RBFOX1: variants seen among roughly 807,000 people sequenced by gnomAD.
RBFOX1 encodes the protein RNA binding fox-1 homolog 1, also known as RNA binding protein fox-1 homolog 1.
Under a neutral mutation model 57.7 loss-of-function variants are expected in RBFOX1, and 8 were observed. That is an observed-to-expected ratio of 0.14 (90% CI 0.08 to 0.25). The LOEUF (loss-of-function observed/expected upper bound fraction) is 0.25. Ranked by LOEUF, RBFOX1 falls within the 10% of genes least tolerant of loss-of-function variation. The probability of loss-of-function intolerance (pLI) is 1.00; values close to 1 mark genes in which losing one functional copy is unlikely to be tolerated. For synonymous variants in RBFOX1, 326 were observed against 222.4 expected (o/e 1.47, Z -4.15); for missense variants, 611 against 548.5 (o/e 1.11, Z -1.14).
intron 1 of RBFOX1, among the ~76,000 whole-genome samples, chr16:6,247,621 G>A (rs541574592): frequency 3.5e-4 from 53 of 152,278 alleles, no homozygotes; most frequent in Non-Finnish European, 1.6e-4. Context: ...CCCTACAGGA[G>A]TCATAGTTAT....
intron 1 of RBFOX1, among the ~76,000 whole-genome samples, chr16:6,066,614 A>G (rs1045150213): frequency 1.4e-4 from 21 of 152,108 alleles, no homozygotes; most frequent in African/African-American, 3.6e-4. Context: ...GACAGCAGGA[A>G]CTCATTATGC....
At chr16:5,965,657 T>C in intron 4 of RBFOX1, among the ~76,000 whole-genome samples, 1 of 152,304 alleles carries the variant, frequency 6.6e-6, no homozygotes, top group East Asian at 1.9e-4. Flanking sequence ...AGCAGTATCG[T>C]GGTTGATACT....
At chr16:7,619,072 C>T (rs1210933905) in intron 10 of RBFOX1, among the ~76,000 whole-genome samples, 1 of 152,102 alleles carries the variant, frequency 6.6e-6, no homozygotes, top group Non-Finnish European at 1.5e-5. Context: ...ATAATGCCAA[C>T]GGCTGTTATT....
chr16:7,684,278 A>T (rs2075572629), intron 14 of RBFOX1, among the ~76,000 whole-genome samples: 1 of 152,066 alleles, frequency 6.6e-6, no homozygotes, highest in African/African-American at 2.4e-5. Flanking sequence ...ACTTCTCAAA[A>T]ACTATGATGA....
intron 4 of RBFOX1, among the ~76,000 whole-genome samples, chr16:7,504,347 C>G (rs1391972495): frequency 2.0e-5 from 3 of 152,034 alleles, no homozygotes; most frequent in Admixed American, 1.3e-4. Flanking sequence ...ATAAGTAACA[C>G]TATCATCATT....
intron 12 of RBFOX1, among the ~76,000 whole-genome samples, chr16:7,662,608 C>T (rs991928191): frequency 3.9e-5 from 6 of 152,174 alleles, no homozygotes; most frequent in African/African-American, 1.4e-4. Flanking sequence ...TGCAACGAGT[C>T]ACATGCACAC....
chr16:6,780,948 T>C (rs1195269372), intron 3 of RBFOX1, among the ~76,000 whole-genome samples: 2 of 152,142 alleles, frequency 1.3e-5, no homozygotes, highest in Non-Finnish European at 2.9e-5. Flanking sequence ...GTAGGTTGTC[T>C]TATCACTTGT....
At chr16:5,920,663 G>C (rs13334282) in intron 4 of RBFOX1, among the ~76,000 whole-genome samples, 1,524 of 152,236 alleles carry the variant, frequency 0.01, 20 homozygotes, top group African/African-American at 0.034. Context: ...GTGGGGCAGC[G>C]GGGAGACCAG....
intron 5 of RBFOX1, among the ~76,000 whole-genome samples, chr16:7,536,267 A>C (rs890635638): frequency 9.9e-5 from 15 of 152,214 alleles, no homozygotes; most frequent in African/African-American, 3.1e-4. Context: ...GCGGAGATGC[A>C]TTCAAGACTT....
chr16:6,787,493 G>A (rs761186400), intron 3 of RBFOX1, among the ~76,000 whole-genome samples: 18 of 152,170 alleles, frequency 1.2e-4, no homozygotes, highest in Non-Finnish European at 2.2e-4. Flanking sequence ...TGGTTAAGTT[G>A]AAGTTGTGTG....
intron 2 of RBFOX1, among the ~76,000 whole-genome samples, chr16:6,524,750 C>T (rs954125072): frequency 6.6e-6 from 1 of 152,136 alleles, no homozygotes; most frequent in East Asian, 1.9e-4. Context: ...TCCACAGCCT[C>T]CGTTGGTTGT....
chr16:7,121,217 C>A (rs2067107439), intron 4 of RBFOX1, among the ~76,000 whole-genome samples: 1 of 151,956 alleles, frequency 6.6e-6, no homozygotes, highest in Non-Finnish European at 1.5e-5. Context: ...GGGAGGAGCT[C>A]CACTCTCACC....
At chr16:6,248,752 A>G (rs1309481108) in intron 1 of RBFOX1, among the ~76,000 whole-genome samples, 1 of 152,196 alleles carries the variant, frequency 6.6e-6, no homozygotes, top group East Asian at 1.9e-4. Context: ...CAGCTCTGCC[A>G]TGTATGAGTC....
At chr16:7,446,881 C>G (rs558661605) in intron 4 of RBFOX1, among the ~76,000 whole-genome samples, 2 of 129,222 alleles carry the variant, frequency 1.5e-5, no homozygotes, top group Non-Finnish European at 3.1e-5. Flanking sequence ...AGTGTGATCT[C>G]GGCTCACTGC....
intron 1 of RBFOX1, among the ~76,000 whole-genome samples, chr16:5,429,031 C>T (rs532286873): frequency 3.6e-4 from 55 of 152,262 alleles, no homozygotes; most frequent in African/African-American, 1.1e-3. Context: ...AGGTTCCACC[C>T]GCTACGAAGT....
intron 1 of RBFOX1, among the ~76,000 whole-genome samples, chr16:5,364,871 T>C (rs2065665979): frequency 6.6e-6 from 1 of 152,060 alleles, no homozygotes; most frequent in African/African-American, 2.4e-5. Context: ...TTGGACCCCA[T>C]CTGTGAAACG....
chr16:7,372,493 C>T (rs1213176252), intron 4 of RBFOX1, among the ~76,000 whole-genome samples: 1 of 152,126 alleles, frequency 6.6e-6, no homozygotes, highest in Admixed American at 6.5e-5. Context: ...TGGCCATGTA[C>T]AGAAAGAGAG....
At chr16:6,315,375 T>C (rs1329254175) in intron 1 of RBFOX1, among the ~76,000 whole-genome samples, 1 of 150,766 alleles carries the variant, frequency 6.6e-6, no homozygotes. Context: ...GATGGATGGA[T>C]GGATGGATGG....
chr16:5,742,141 T>G (rs1345192141), intron 3 of RBFOX1, among the ~76,000 whole-genome samples: 1 of 152,238 alleles, frequency 6.6e-6, no homozygotes, highest in East Asian at 1.9e-4. Flanking sequence ...CTTACATTTT[T>G]CCATCATTTG....
Sources: gnomAD v4.1 joint callset for allele counts (sites outside exome capture counted in the v4.1 genomes callset) on GRCh38, gnomAD v4.1.1 for gene constraint, MANE v1.5 for transcripts, NCBI Gene and HGNC (gene_info 2026-07-23, HGNC 2026-07-21) for gene names.